SYT9: variants seen among roughly 807,000 people sequenced by gnomAD.
SYT9 encodes synaptotagmin-9.
SYT9 carries 22 observed loss-of-function variants against 48.4 expected under a neutral mutation model. The ratio of observed to expected loss-of-function variants is 0.45; its 90% CI spans 0.32 to 0.65. SYT9 has a LOEUF of 0.65. SYT9 is among the 30% of genes least tolerant of loss of function. The pLI, the probability that SYT9 is intolerant of heterozygous loss-of-function variation, is 0.03. For missense variants in SYT9, 577 were observed against 622.0 expected, an observed-to-expected ratio of 0.93 and a Z score of 0.77; for synonymous variants, 265 against 245.0, an observed-to-expected ratio of 1.08 and a Z score of -0.76.
intron 3 of SYT9, among the ~76,000 whole-genome samples, chr11:7,366,118 T>C (rs1330420757): frequency 1.3e-5 from 2 of 152,228 alleles, no homozygotes; most frequent in African/African-American, 4.8e-5. Flanking sequence ...CCATGATTCG[T>C]TGCTGCTCAG....
At chr11:7,290,462 C>T (rs1848679731) in intron 1 of SYT9, among the ~76,000 whole-genome samples, 1 of 152,306 alleles carries the variant, frequency 6.6e-6, no homozygotes, top group African/African-American at 2.4e-5. Context: ...TACTATACTG[C>T]TCTGCCTGCG....
At chr11:7,394,098 CT>C (rs1846695987) in intron 3 of SYT9, among the ~76,000 whole-genome samples, 1 of 151,888 alleles carries the variant, frequency 6.6e-6, no homozygotes, top group South Asian at 2.1e-4. Flanking sequence ...TCTCCTAATG[CT>C]ATCCCTCCCC....
intron 6 of SYT9, among the ~76,000 whole-genome samples, chr11:7,426,633 C>T (rs1276524064): frequency 6.6e-6 from 1 of 152,084 alleles, no homozygotes; most frequent in Non-Finnish European, 1.5e-5. Flanking sequence ...TCATGTTTGC[C>T]TTAAGCTTCC....
At chr11:7,360,332 C>T (rs899579924) in intron 3 of SYT9, among the ~76,000 whole-genome samples, 30 of 152,226 alleles carry the variant, frequency 2.0e-4, no homozygotes, top group African/African-American at 3.4e-4. Context: ...CTTGGCATTG[C>T]GGGCTCTTTT....
intron 1 of SYT9, among the ~76,000 whole-genome samples, chr11:7,266,748 G>A (rs1848191575): frequency 6.6e-6 from 1 of 152,024 alleles, no homozygotes; most frequent in Non-Finnish European, 1.5e-5. Flanking sequence ...GTTGTAAAAT[G>A]TGATGTCTTA....
intron 3 of SYT9, among the ~76,000 whole-genome samples, chr11:7,355,971 A>G (rs1412064519): frequency 6.6e-6 from 1 of 152,220 alleles, no homozygotes; most frequent in East Asian, 1.9e-4. Context: ...GTTGGAGCTC[A>G]TGAGATGTTT....
At chr11:7,259,504 A>G (rs777100289) in intron 1 of SYT9, among the ~76,000 whole-genome samples, 2 of 152,116 alleles carry the variant, frequency 1.3e-5, no homozygotes, top group Non-Finnish European at 2.9e-5. Flanking sequence ...GATCTATGTT[A>G]GTTAGTCCTG....
At chr11:7,266,175 A>G (rs961795198) in intron 1 of SYT9, among the ~76,000 whole-genome samples, 2 of 152,100 alleles carry the variant, frequency 1.3e-5, no homozygotes, top group African/African-American at 4.8e-5. Flanking sequence ...TTCAGAGGGA[A>G]TGAGAAAACA....
chr11:7,452,455 G>A (rs1271103356), intron 6 of SYT9, among the ~76,000 whole-genome samples: 2 of 152,290 alleles, frequency 1.3e-5, no homozygotes, highest in Admixed American at 6.5e-5. Flanking sequence ...ATCCTCTTGT[G>A]CAATGTCTTG....
intron 6 of SYT9, chr11:7,438,574 T>A (rs1430031317): frequency 6.6e-6 from 1 of 152,470 alleles, no homozygotes; most frequent in Non-Finnish European, 1.5e-5. Context: ...TTTCTCTGCA[T>A]ACTTGCTGCA....
chr11:7,272,646 G>T (rs1207738020), intron 1 of SYT9, among the ~76,000 whole-genome samples: 1 of 152,190 alleles, frequency 6.6e-6, no homozygotes, highest in African/African-American at 2.4e-5. Context: ...CCTTTTCGTG[G>T]AGGATACAGA....
At chr11:7,403,176 A>T in intron 3 of SYT9, among the ~76,000 whole-genome samples, 1 of 152,160 alleles carries the variant, frequency 6.6e-6, no homozygotes, top group East Asian at 1.9e-4. Context: ...TGCATTCCAC[A>T]AATTTTAATA....
chr11:7,371,317 T>TTTCC lies in SYT9; in HGVS notation c.1045-44720_1045-44717dup, dbSNP rs1191530645. ...ATGAACATCTTTACAACATGAAATG[T>TTTCC]TTCCTTCCAGGAGCATAGACTATCT... is the stretch of plus-strand genomic sequence containing the variant. On this transcript the variant is annotated intron_variant, in intron 3 of 6. Transcript: ENST00000318881. Among the ~76,000 whole-genome samples the TTTCC allele has an allele frequency of 3.6e-3, 552 of 151,438 alleles. 15 individuals are homozygous for TTTCC. Among genetic ancestry groups the TTTCC allele is most frequent in the Admixed American group, 0.032 (482 of 15,152 alleles).
chr11:7,416,252 C>A, intron 4 of SYT9, 90 bp downstream of exon 4: 1 of 1,500,366 alleles, frequency 6.7e-7, no homozygotes, highest in Non-Finnish European at 9.2e-7. Flanking sequence ...AGCACATTGA[C>A]TCTGGAACCA....
chr11:7,272,904 C>T (rs1848322632), intron 1 of SYT9, among the ~76,000 whole-genome samples: 2 of 152,068 alleles, frequency 1.3e-5, no homozygotes, highest in Non-Finnish European at 2.9e-5. Context: ...ACCTTAGGGA[C>T]CCTCAATGAG....
chr11:7,351,878 C>G (rs1399388894), intron 3 of SYT9, among the ~76,000 whole-genome samples: 4 of 152,124 alleles, frequency 2.6e-5, no homozygotes, highest in Non-Finnish European at 4.4e-5. Context: ...CACTCTATTT[C>G]AGAGTCTGTT....
chr11:7,319,206 T>C (rs1849296747), intron 3 of SYT9, among the ~76,000 whole-genome samples: 1 of 146,364 alleles, frequency 6.8e-6, no homozygotes, highest in East Asian at 2.0e-4. Flanking sequence ...TTTTTTTTTT[T>C]TTTTTTTTGA....
At chr11:7,285,054 C>G (rs1359600403) in intron 1 of SYT9, among the ~76,000 whole-genome samples, 1 of 152,160 alleles carries the variant, frequency 6.6e-6, no homozygotes, top group African/African-American at 2.4e-5. Context: ...ATGAGTTTAC[C>G]TGGACCATTG....
At chr11:7,448,024 A>G (rs867543759) in intron 6 of SYT9, among the ~76,000 whole-genome samples, 1 of 152,228 alleles carries the variant, frequency 6.6e-6, no homozygotes, top group South Asian at 2.1e-4. Context: ...AGCTGAATGA[A>G]AAACACCCTC....
Sources: allele counts gnomAD v4.1 joint callset (sites outside exome capture counted in the v4.1 genomes callset), GRCh38; gene constraint gnomAD v4.1.1; transcripts MANE v1.5; gene names NCBI Gene and HGNC (gene_info 2026-07-23, HGNC 2026-07-21).